The following FARP1 variants were observed in gnomAD, a reference collection of about 807,000 sequenced individuals.
FARP1 encodes the protein FERM, ARHGEF and pleckstrin domain-containing protein 1.
In FARP1, 52 loss-of-function variants were observed where a neutral mutation model predicts 128.8. That is an observed-to-expected ratio of 0.40 (90% CI 0.32 to 0.51). The LOEUF is 0.51. FARP1 is among the 20% of genes least tolerant of loss of function. The pLI is 0.45. For missense variants in FARP1, 1,333 were observed against 1,367.9 expected (o/e 0.97, Z 0.40); for synonymous variants, 580 against 551.8 (o/e 1.05, Z -0.72).
intron 2 of FARP1, among the ~76,000 whole-genome samples, chr13:98,284,998 G>A (rs1185248058): frequency 3.9e-5 from 6 of 152,100 alleles, no homozygotes; most frequent in African/African-American, 9.7e-5. Flanking sequence ...TTATGGTCTG[G>A]CCCTAGATCC....
At chr13:98,324,810 A>AGG (rs1202554642) in intron 2 of FARP1, among the ~76,000 whole-genome samples, 1 of 152,198 alleles carries the variant, frequency 6.6e-6, no homozygotes, top group Non-Finnish European at 1.5e-5. Context: ...CCCCCATTCC[A>AGG]GGGGTCTTTG....
chr13:98,376,232 TTCTA>T (rs1226829642), intron 5 of FARP1, among the ~76,000 whole-genome samples: 2 of 152,210 alleles, frequency 1.3e-5, no homozygotes, highest in Non-Finnish European at 2.9e-5. Context: ...ATCTTATTCA[TTCTA>T]TCTCATTTTT....
intron 16 of FARP1, among the ~76,000 whole-genome samples, chr13:98,416,939 T>G (rs1891396523): frequency 6.6e-6 from 1 of 152,144 alleles, no homozygotes; most frequent in Non-Finnish European, 1.5e-5. Flanking sequence ...CTGCATGTTT[T>G]AGGAGAAACT....
At chr13:98,294,035 A>G (rs1272155400) in intron 2 of FARP1, among the ~76,000 whole-genome samples, 1 of 152,180 alleles carries the variant, frequency 6.6e-6, no homozygotes, top group Non-Finnish European at 1.5e-5. Context: ...CCATCTATGA[A>G]TGGTCTGTGG....
At position 98,185,933 on chromosome 13, in the gene FARP1, G is replaced by A. The variant is rs113579922; in HGVS notation, c.-23-27287G>A. 1.5e-3 allele frequency among the ~76,000 whole-genome samples: 222 copies of A among 152,138 alleles called. 1 individual carries two copies. The highest frequency in any genetic ancestry group is 2.8e-3 in the Admixed American group (43 of 15,290). ...GGCTGGTCTCGAACTCCTGACCTCA[G>A]GTGATCCGCCTGCCTCGGCCTCCCA... On this transcript the variant is annotated intron_variant, in intron 1 of 26. Transcript: ENST00000319562.
At chr13:98,378,679 G>C (rs1889695912) in intron 6 of FARP1, among the ~76,000 whole-genome samples, 1 of 151,524 alleles carries the variant, frequency 6.6e-6, no homozygotes, top group South Asian at 2.1e-4. Flanking sequence ...TAGTTCACTA[G>C]ATTTACAAAG....
rs143622393 is a variant in FARP1, at chr13:98,276,627, A to G, written c.171+63214A>G. ...GTTTTTACGTTTGGATTTTGTTTAC[A>G]AAAGAACCAAAGTAAGTCATCTTCT... On this transcript the variant is annotated intron_variant, in intron 2 of 26. Coordinates refer to ENST00000319562, the MANE Select transcript of FARP1 (RefSeq NM_005766.4). Among the ~76,000 whole-genome samples, 667 of 152,374 alleles carry G rather than the reference A, an allele frequency of 4.4e-3. 3 individuals are homozygous for G. Among genetic ancestry groups the G allele is most frequent in the Non-Finnish European group, 4.9e-3 (331 of 68,038 alleles).
intron 2 of FARP1, chr13:98,329,431 G>A (rs1887390339): frequency 6.6e-6 from 1 of 152,220 alleles, no homozygotes; most frequent in South Asian, 2.1e-4. Context: ...GGAGGCCAAG[G>A]CGGATGGATC....
chr13:98,204,377 G>A (rs1429973285), intron 1 of FARP1, among the ~76,000 whole-genome samples: 1 of 152,136 alleles, frequency 6.6e-6, no homozygotes, highest in East Asian at 1.9e-4. Flanking sequence ...CCTATTATCA[G>A]TTTTAAAACA....
rs1555299793 is a variant in FARP1 at position 98,451,914 on chromosome 13, C to T, written c.*3597C>T. 1 of 152,202 alleles carries T rather than the reference C, an allele frequency of 6.6e-6. No individual in the cohort carries two copies. Among genetic ancestry groups the T allele is most frequent in the Non-Finnish European group, 1.5e-5 (1 of 68,108 alleles). The allele number at this position is 152,202 out of a possible 1,614,324, so 9.4% of individuals were successfully genotyped here. On this transcript the variant is annotated 3_prime_UTR_variant, in exon 27 of 27. Coordinates refer to ENST00000319562, the MANE Select transcript of FARP1 (RefSeq NM_005766.4). Reference sequence around the variant, plus strand: ...GAGAAGCAAAATAACTCTTAAGGTCCCCGGCAACCGCTACAGCAATCGCAC... The same window carrying T: ...GAGAAGCAAAATAACTCTTAAGGTCTCCGGCAACCGCTACAGCAATCGCAC...
At chr13:98,345,591 C>T (rs1888146486) in intron 3 of FARP1, 1 of 152,214 alleles carries the variant, frequency 6.6e-6, no homozygotes, top group Non-Finnish European at 1.5e-5. Context: ...CAAAATAAAA[C>T]CCACCGTTGA....
chr13:98,205,768 A>G (rs1382831799), intron 1 of FARP1, among the ~76,000 whole-genome samples: 2 of 152,172 alleles, frequency 1.3e-5, no homozygotes, highest in African/African-American at 2.4e-5. Flanking sequence ...TCACCAGTGC[A>G]TATTTCCTTT....
At chr13:98,361,454 A>G (rs761701686) in intron 3 of FARP1, among the ~76,000 whole-genome samples, 1 of 152,192 alleles carries the variant, frequency 6.6e-6, no homozygotes, top group Admixed American at 6.5e-5. Flanking sequence ...AAAATAGGCA[A>G]CTGCACTGCC....
intron 1 of FARP1, among the ~76,000 whole-genome samples, chr13:98,191,439 C>T (rs144151133): frequency 6.6e-6 from 1 of 152,236 alleles, no homozygotes; most frequent in Non-Finnish European, 1.5e-5. Flanking sequence ...AACTCTTCCA[C>T]CATGTAATAG....
chr13:98,297,344 G>T (rs1399790814), intron 2 of FARP1, among the ~76,000 whole-genome samples: 1 of 152,228 alleles, frequency 6.6e-6, no homozygotes, highest in Non-Finnish European at 1.5e-5. Context: ...AGCCATCTGT[G>T]TGTGTGGTTT....
intron 1 of FARP1, among the ~76,000 whole-genome samples, chr13:98,194,593 C>T (rs1341344689): frequency 1.3e-5 from 2 of 152,102 alleles, no homozygotes; most frequent in South Asian, 2.1e-4. Flanking sequence ...GTGATTCCCA[C>T]GGTGGGAAAA....
intron 1 of FARP1, among the ~76,000 whole-genome samples, chr13:98,151,884 A>T (rs1398066893): frequency 6.7e-6 from 1 of 150,146 alleles, no homozygotes; most frequent in African/African-American, 2.4e-5. Flanking sequence ...TTAGTCTCAA[A>T]CTCCTGACTT....
chr13:98,156,367 C>T (rs1242544590), intron 1 of FARP1, among the ~76,000 whole-genome samples: 4 of 152,182 alleles, frequency 2.6e-5, no homozygotes, highest in Admixed American at 6.6e-5. Context: ...GTTATAATAA[C>T]GTTCTTTTTA....
chr13:98,190,927 C>A (rs148462144), intron 1 of FARP1, among the ~76,000 whole-genome samples: 1 of 152,192 alleles, frequency 6.6e-6, no homozygotes, highest in African/African-American at 2.4e-5. Context: ...CATAGGTAGT[C>A]CTTGACTCCA....
Sources: gnomAD v4.1 joint callset for allele counts (sites outside exome capture counted in the v4.1 genomes callset) on GRCh38, gnomAD v4.1.1 for gene constraint, MANE v1.5 for transcripts, NCBI Gene and HGNC (gene_info 2026-07-23, HGNC 2026-07-21) for gene names.